The following DPEP1 variants were observed in gnomAD, a reference collection of about 807,000 sequenced individuals.
The protein encoded by DPEP1 is beta-lactamase.
In DPEP1, 50 loss-of-function variants were observed where a neutral mutation model predicts 42.3. The observed-to-expected ratio is 1.18, with a 90% CI of 0.94 to 1.50. The LOEUF is 1.50. DPEP1 is among the 40% of genes most tolerant of loss of function. The pLI is 0.00. For synonymous variants in DPEP1, 297 were observed against 234.0 expected, an observed-to-expected ratio of 1.27 and a Z score of -2.46; for missense variants, 663 against 553.0, an observed-to-expected ratio of 1.20 and a Z score of -1.99.
intron 1 of DPEP1, among the ~76,000 whole-genome samples, chr16:89,627,352 G>C (rs2059527869): frequency 6.6e-6 from 1 of 151,564 alleles, no homozygotes; most frequent in Non-Finnish European, 1.5e-5. Flanking sequence ...GGAGGCCGAG[G>C]AGGGCACATT....
intron 2 of DPEP1, among the ~76,000 whole-genome samples, chr16:89,630,753 G>A (rs2059577293): frequency 8.3e-6 from 1 of 120,326 alleles, no homozygotes. Flanking sequence ...GGCTGGGGGA[G>A]TTTGGCCTGG....
chr16:89,619,760 G>A (rs9673778), intron 1 of DPEP1, among the ~76,000 whole-genome samples: 4 of 538 alleles, frequency 7.4e-3, no homozygotes, highest in Admixed American at 0.045. Context: ...TGTGCCCCCT[G>A]CTCCCCTCCC....
chr16:89,635,921 C>T lies in DPEP1; in HGVS notation c.118C>T (p.Pro40Ser), dbSNP rs565633365. ...GGCAAACTCCAGGCACAATGACCTCCCCTGGCAGCTGCTGGATATGTTCAA... is the reference window on the plus strand; with the variant it reads ...GGCAAACTCCAGGCACAATGACCTCTCCTGGCAGCTGCTGGATATGTTCAA... ...SPVIDGHNDL[P>S]WQLLDMFNNR... Residue 40 changes from proline to serine, a missense_variant, in exon 3 of 11, where the codon CCC becomes TCC. Physicochemically the swap from Pro to Ser is moderately conservative, Grantham distance 74. Coordinates refer to ENST00000690203, the MANE Select transcript of DPEP1 (RefSeq NM_001389466.1). 3.1e-6 allele frequency: 5 copies of T among 1,605,854 alleles called. No individual in the cohort carries two copies. Among genetic ancestry groups the T allele is most frequent in the East Asian group, 2.2e-5 (1 of 44,864 alleles).
At chr16:89,614,912 G>A (rs2059367717) in intron 1 of DPEP1, among the ~76,000 whole-genome samples, 1 of 152,184 alleles carries the variant, frequency 6.6e-6, no homozygotes, top group African/African-American at 2.4e-5. Flanking sequence ...CTGGAGCTGC[G>A]GCTGGGCTAG....
rs763889283 is a variant in DPEP1, at chr16:89,637,357, C to T, written c.745C>T (p.Pro249Ser). 2 of 1,612,150 alleles carry T rather than the reference C, an allele frequency of 1.2e-6. No individual in the cohort carries two copies. Among genetic ancestry groups the T allele is most frequent in the Non-Finnish European group, 8.5e-7 (1 of 1,179,936 alleles). Residue 249 changes from proline to serine, a missense_variant, in exon 7 of 11, where the codon CCT becomes TCT. Pro to Ser is a moderately conservative substitution (Grantham distance 74). Transcript: ENST00000690203. ...YSVCASRRNV[P>S]DDVLRLVKQT... ...CGTGTGCGCAAGCCGGCGCAACGTG[C>T]CTGACGACGTCCTGAGGCTGGTGGT...
chr16:89,636,873 A>C lies in DPEP1; in HGVS notation c.529A>C (p.Asn177His). The stretch of plus-strand genomic sequence containing the variant: ...TGCCTTTTGCTTCTCCAGGGCTGAC[A>C]ACTGGCTGGTGGACACGGGAGACAG... ...THSCNTPWAD[N>H]WLVDTGDSEP... Residue 177 changes from asparagine (N) to histidine (H), a missense_variant, in exon 6 of 11, where the codon AAC (asparagine) becomes CAC (histidine). By Grantham distance (68) the Asn-to-His change is moderately conservative. Coordinates refer to ENST00000690203, the MANE Select transcript of DPEP1 (RefSeq NM_001389466.1). The C allele has an allele frequency of 6.2e-7, 1 of 1,612,528 alleles. No individual in the cohort carries two copies. Among genetic ancestry groups the C allele is most frequent in the Non-Finnish European group, 8.5e-7 (1 of 1,179,896 alleles).
At chr16:89,640,581 G>A (rs1006948376), downstream of DPEP1, 14 of 982,736 alleles carry the variant, frequency 1.4e-5, no homozygotes, top group Non-Finnish European at 1.7e-5. Flanking sequence ...CGTTCTGTCT[G>A]TTCCCCTCCC....
At chr16:89,637,766 G>C (rs1597776552) in intron 9 of DPEP1, 59 bp downstream of exon 9, 1 of 1,612,806 alleles carries the variant, frequency 6.2e-7, no homozygotes, top group South Asian at 1.1e-5. Context: ...CCTCGTCAGA[G>C]GGATGAGGTG....
intron 1 of DPEP1, among the ~76,000 whole-genome samples, chr16:89,624,582 T>C (rs75923656): frequency 0.071 from 10,714 of 151,818 alleles, 553 homozygotes; most frequent in East Asian, 0.21. Flanking sequence ...TCGCCCGGGC[T>C]GGAGTGCAGT....
chr16:89,617,666 C>T (rs77207575), intron 1 of DPEP1, among the ~76,000 whole-genome samples: 470 of 2,630 alleles, frequency 0.18, no homozygotes, highest in Middle Eastern at 0.5. Flanking sequence ...CCGGGCGCGG[C>T]GGCTCACACC....
intron 1 of DPEP1, among the ~76,000 whole-genome samples, chr16:89,627,389 C>G (rs1046806848): frequency 6.6e-6 from 1 of 151,792 alleles, no homozygotes; most frequent in South Asian, 2.1e-4. Context: ...TCAAGACCAG[C>G]CTGACCAACA....
At chr16:89,628,252 CTTTCTTTT>C (rs1161653889) in intron 1 of DPEP1, among the ~76,000 whole-genome samples, 1 of 75,524 alleles carries the variant, frequency 1.3e-5, no homozygotes, top group Non-Finnish European at 2.6e-5. Flanking sequence ...TCTTTCTTTT[CTTTCTTTT>C]TTTTTTTTTT....
chr16:89,627,467 C>T (rs986345879), intron 1 of DPEP1, among the ~76,000 whole-genome samples: 2 of 151,052 alleles, frequency 1.3e-5, no homozygotes, highest in South Asian at 4.2e-4. Flanking sequence ...CCTGTAATCC[C>T]AGCTACTCCG....
At chr16:89,624,665 G>C (rs1044984936) in intron 1 of DPEP1, among the ~76,000 whole-genome samples, 1 of 152,096 alleles carries the variant, frequency 6.6e-6, no homozygotes, top group Non-Finnish European at 1.5e-5. Flanking sequence ...CTCCGGAGTA[G>C]CTGGGATGAC....
chr16:89,623,761 C>A (rs916740317), intron 1 of DPEP1, among the ~76,000 whole-genome samples: 1 of 152,100 alleles, frequency 6.6e-6, no homozygotes, highest in Admixed American at 6.6e-5. Context: ...AAAGGAAGCT[C>A]AGACAGTGCA....
At position 89,636,654 on chromosome 16, in the gene DPEP1, G is replaced by T; in HGVS notation, c.492G>T (p.Leu164=). The T allele has an allele frequency of 6.2e-7, 1 of 1,612,514 alleles. No individual in the cohort carries two copies. Among genetic ancestry groups the T allele is most frequent in the Non-Finnish European group, 8.5e-7 (1 of 1,179,930 alleles). The part of the protein sequence containing the change: ...RALYQLGMRY[L]TLTHSCNTPW... The stretch of plus-strand genomic sequence containing the variant: ...TCTATCAGCTGGGCATGCGGTACCT[G>T]ACCCTCACCCACAGCTGCAACACGC... The change falls in exon 5 of 11, where the codon CTG becomes CTT. Residue 164 remains leucine (L), a synonymous_variant. Transcript: ENST00000690203.
chr16:89,638,700 A>G (rs2059715678), downstream of DPEP1, among the ~76,000 whole-genome samples: 4 of 127,384 alleles, frequency 3.1e-5, no homozygotes, highest in Admixed American at 7.9e-5. Flanking sequence ...CTGCACACAC[A>G]CACACACACC....
chr16:89,625,160 C>G (rs2059492170), intron 1 of DPEP1, among the ~76,000 whole-genome samples: 1 of 152,106 alleles, frequency 6.6e-6, no homozygotes, highest in African/African-American at 2.4e-5. Context: ...GACTCTCTCC[C>G]CCTGACCTTG....
chr16:89,625,333 A>AG (rs1173388873), intron 1 of DPEP1, among the ~76,000 whole-genome samples: 1 of 152,080 alleles, frequency 6.6e-6, no homozygotes. Flanking sequence ...GCAGAGAGTG[A>AG]GGGGGGAGGT....
Sources: allele counts gnomAD v4.1 joint callset (sites outside exome capture counted in the v4.1 genomes callset), GRCh38; gene constraint gnomAD v4.1.1; transcripts MANE v1.5; gene names NCBI Gene and HGNC (gene_info 2026-07-23, HGNC 2026-07-21).